Variants in ARMH3 observed in about 807,000 individuals in gnomAD.
ARMH3 encodes the protein armadillo-like helical domain-containing protein 3.
A neutral mutation model predicts 99.1 loss-of-function variants in ARMH3; 60 were observed. The observed-to-expected ratio is 0.61, with a 90% CI of 0.49 to 0.75. The LOEUF (loss-of-function observed/expected upper bound fraction) is 0.75, where lower values mean the gene tolerates loss of function less well. Among genes scored for constraint, ARMH3 ranks in the 30% least tolerant of loss-of-function variants. ARMH3 has a pLI of 0.00. For missense variants in ARMH3, 679 were observed against 843.1 expected (o/e 0.81, Z 2.41); for synonymous variants, 285 against 292.8 (o/e 0.97, Z 0.27).
chr10:101,995,865 C>T lies in ARMH3; in HGVS notation c.1151-510G>A, dbSNP rs142104818. ...TTCTCCTTGCAATTGTATACTTATG[C>T]CCTAGAAAGCTGTGAACTCTTGATC... On this transcript the variant is annotated intron_variant, in intron 15 of 25. Transcript: ENST00000370033. 2.0e-5 allele frequency among the ~76,000 whole-genome samples: 3 copies of T among 152,324 alleles called. No individual in the cohort carries two copies. In the East Asian group the frequency reaches 5.8e-4, roughly 29 times the overall value.
At chr10:102,055,858 G>A (rs2067838040) in intron 1 of ARMH3, among the ~76,000 whole-genome samples, 1 of 152,212 alleles carries the variant, frequency 6.6e-6, no homozygotes, top group Admixed American at 6.5e-5. Flanking sequence ...GCCGCTGGAA[G>A]AGCGAAGCCG....
rs769510926 is a variant in ARMH3, at chr10:102,006,650, G to C, written c.955-17C>G. ...TGGATGGCTCTGAAAAAGATACACA[G>C]ATGTGTAAGAAAACAGAAAATCCAG... On this transcript the variant is annotated splice_polypyrimidine_tract_variant and intron_variant, in intron 13 of 25. Transcript: ENST00000370033. The C allele has an allele frequency of 1.2e-6, 2 of 1,607,788 alleles. No homozygotes were observed. The highest frequency in any genetic ancestry group is 3.3e-5 in the Admixed American group (2 of 60,006).
At chr10:101,892,780 A>G (rs2067725170) in intron 23 of ARMH3, among the ~76,000 whole-genome samples, 2 of 152,226 alleles carry the variant, frequency 1.3e-5, no homozygotes, top group African/African-American at 4.8e-5. Context: ...AAAAACTTGG[A>G]AAAGCAACGC....
At chr10:102,025,321 T>C in intron 5 of ARMH3, 73 bp from the exon 6 acceptor site, 1 of 1,203,938 alleles carries the variant, frequency 8.3e-7, no homozygotes, top group Non-Finnish European at 1.2e-6. Context: ...TGGGTTATGT[T>C]ATACAGGGTA....
chr10:101,879,474 C>G (rs1455775369), intron 24 of ARMH3, among the ~76,000 whole-genome samples: 1 of 151,866 alleles, frequency 6.6e-6, no homozygotes, highest in Non-Finnish European at 1.5e-5. Context: ...CTCAGCCTCC[C>G]GAGTAGCTGG....
At position 101,861,875 on chromosome 10, in the gene ARMH3, AC is replaced by A. The variant is rs1299076783; in HGVS notation, c.1861-11984del. Among the ~76,000 whole-genome samples the A allele has an allele frequency of 1.9e-4, 23 of 120,772 alleles. 1 individual carries two copies. In the East Asian group the frequency reaches 4.3e-3, roughly 23 times the overall value. The allele number at this position is 120,772 out of a possible 152,430, so 79.2% of individuals were successfully genotyped here. On this transcript the variant is annotated intron_variant, in intron 24 of 25. Transcript: ENST00000370033. ...GCGAAACGCCATCCCTACTAAAAAT[AC>A]CAAAAAAAAAAAAAAAAAAAAAAAT...
chr10:101,949,058 T>C (rs1844676906), intron 22 of ARMH3, among the ~76,000 whole-genome samples: 1 of 151,194 alleles, frequency 6.6e-6, no homozygotes, highest in Non-Finnish European at 1.5e-5. Context: ...ACAATAAAAA[T>C]ACAACAAAAA....
Position 101,849,863 on chromosome 10 carries a change from G to T in ARMH3, c.1890C>A (p.Asp630Glu). The change falls in exon 25 of 26, where the codon GAC becomes GAA. Residue 630 changes from aspartate (D) to glutamate (E), a missense_variant. Around this residue, in one of 3 missense-constraint regions of ARMH3, gnomAD observed 389 missense variants for 456.5 expected, o/e 0.85. Transcript: ENST00000370033. ...QVLEVVRANY[D>E]TLTLKLQDGL... ...CATCCTGCAGCTTCAGCGTGAGCGT[G>T]TCATAGTTGGCTCTCACCACCTCCA... The T allele has an allele frequency of 6.2e-7, 1 of 1,614,110 alleles. No homozygotes were observed. Among genetic ancestry groups the T allele is most frequent in the Non-Finnish European group, 8.5e-7 (1 of 1,180,004 alleles).
At chr10:101,949,739 A>T (rs1004452690) in intron 22 of ARMH3, among the ~76,000 whole-genome samples, 10 of 152,176 alleles carry the variant, frequency 6.6e-5, no homozygotes, top group African/African-American at 2.4e-4. Flanking sequence ...AAAATTAACT[A>T]ATATTGAAAC....
At chr10:102,008,489 G>A (rs2066554315) in intron 13 of ARMH3, among the ~76,000 whole-genome samples, 1 of 152,076 alleles carries the variant, frequency 6.6e-6, no homozygotes, top group East Asian at 1.9e-4. Flanking sequence ...GTGACCCATC[G>A]CTCAGTATTC....
intron 24 of ARMH3, among the ~76,000 whole-genome samples, chr10:101,859,155 T>G (rs1462850375): frequency 6.6e-6 from 1 of 152,132 alleles, no homozygotes; most frequent in Non-Finnish European, 1.5e-5. Flanking sequence ...CTAAGTATGG[T>G]TTGGAGTCAG....
intron 20 of ARMH3, among the ~76,000 whole-genome samples, chr10:101,963,217 A>C (rs1336811292): frequency 6.7e-6 from 1 of 149,400 alleles, no homozygotes; most frequent in Non-Finnish European, 1.5e-5. Context: ...ATCATGGCTC[A>C]CTGCAACCTC....
At chr10:101,860,728 T>C (rs2066847043) in intron 24 of ARMH3, among the ~76,000 whole-genome samples, 1 of 152,232 alleles carries the variant, frequency 6.6e-6, no homozygotes, top group South Asian at 2.1e-4. Flanking sequence ...GTTTGAATTT[T>C]GACTAACCAG....
chr10:102,042,321 G>A (rs921048031), intron 1 of ARMH3, among the ~76,000 whole-genome samples: 1 of 152,174 alleles, frequency 6.6e-6, no homozygotes, highest in Non-Finnish European at 1.5e-5. Context: ...GTTCTTAGAC[G>A]TGATAAGTAC....
intron 13 of ARMH3, among the ~76,000 whole-genome samples, chr10:102,008,880 T>A (rs975827496): frequency 6.6e-6 from 1 of 152,152 alleles, no homozygotes; most frequent in Non-Finnish European, 1.5e-5. Flanking sequence ...CTCAGTATTC[T>A]ATGACTTCCT....
At chr10:101,965,429 A>G (rs563641853) in intron 20 of ARMH3, among the ~76,000 whole-genome samples, 2 of 152,336 alleles carry the variant, frequency 1.3e-5, no homozygotes, top group East Asian at 3.9e-4. Flanking sequence ...GCAGGAATGC[A>G]AATTCAAAAT....
At position 101,944,273 on chromosome 10, in the gene ARMH3, TAGAGAGAG is replaced by T. The variant is rs55633048; in HGVS notation, c.1706-4343_1706-4336del. On this transcript the variant is annotated intron_variant, in intron 22 of 25. Transcript: ENST00000370033. ...ATATATATATATATATATATATATA[TAGAGAGAG>T]AGAGAGAGAGAGAGAGAGAGAGAGA... is the stretch of plus-strand genomic sequence containing the variant. Among the ~76,000 whole-genome samples the T allele has an allele frequency of 5.1e-3, 128 of 25,308 alleles. 2 individuals carry two copies. Among genetic ancestry groups the T allele is most frequent in the Admixed American group, 9.6e-3 (17 of 1,772 alleles). 16.6% of individuals were successfully genotyped at this position (25,308 alleles called of 152,430 possible). A position where few individuals can be genotyped will look rare whatever the true frequency, so the allele number is the denominator to read the frequency against.
At chr10:101,885,145 A>C (rs1325679571) in intron 24 of ARMH3, among the ~76,000 whole-genome samples, 1 of 152,174 alleles carries the variant, frequency 6.6e-6, no homozygotes, top group Non-Finnish European at 1.5e-5. Context: ...TTAAAAAAAA[A>C]ACAGAAAACA....
chr10:101,989,669 C>T (rs1390407597), intron 19 of ARMH3, among the ~76,000 whole-genome samples: 1 of 151,980 alleles, frequency 6.6e-6, no homozygotes, highest in Admixed American at 6.6e-5. Context: ...TGCAGTGAGC[C>T]GAGATCATGC....
Sources: gnomAD v4.1 joint callset for allele counts (sites outside exome capture counted in the v4.1 genomes callset) on GRCh38, gnomAD v4.1.1 for gene constraint, gnomAD v4.1.1 regional missense constraint, MANE v1.5 for transcripts, NCBI Gene and HGNC (gene_info 2026-07-23, HGNC 2026-07-21) for gene names.